Variants in MYO1B observed in about 807,000 individuals in gnomAD.
The protein encoded by MYO1B is unconventional myosin-Ib.
A neutral mutation model predicts 159.7 loss-of-function variants in MYO1B; 72 were observed. The observed-to-expected ratio is 0.45, with a 90% CI of 0.37 to 0.55. The LOEUF (loss-of-function observed/expected upper bound fraction) is 0.55. MYO1B is among the 20% of genes least tolerant of loss of function. MYO1B has a pLI of 0.00. For missense variants in MYO1B, 1,062 were observed against 1,364.8 expected, an observed-to-expected ratio of 0.78 and a Z score of 3.50; for synonymous variants, 468 against 473.8, an observed-to-expected ratio of 0.99 and a Z score of 0.16.
chr2:191,300,639 CT>C (rs1233709923), intron 3 of MYO1B, among the ~76,000 whole-genome samples: 6 of 66,932 alleles, frequency 9.0e-5, no homozygotes, highest in South Asian at 7.4e-4. Flanking sequence ...TGTGCGCAGC[CT>C]TTTTTTTTTT....
At chr2:191,299,312 T>C (rs750153202) in intron 3 of MYO1B, among the ~76,000 whole-genome samples, 11 of 152,348 alleles carry the variant, frequency 7.2e-5, no homozygotes, top group Non-Finnish European at 1.6e-4. Flanking sequence ...CTTTTTACCA[T>C]GGCCTACAAA....
chr2:191,312,486 A>T (rs1299354607), intron 3 of MYO1B, among the ~76,000 whole-genome samples: 1 of 152,200 alleles, frequency 6.6e-6, no homozygotes, highest in Non-Finnish European at 1.5e-5. Flanking sequence ...CCTTTTATTT[A>T]TATATGATTT....
intron 3 of MYO1B, among the ~76,000 whole-genome samples, chr2:191,317,852 A>G (rs957686722): frequency 7.2e-5 from 11 of 152,242 alleles, no homozygotes; most frequent in African/African-American, 2.4e-4. Flanking sequence ...ATGAATGTGC[A>G]CTTATATATG....
Position 191,253,061 on chromosome 2 carries a change from G to GAA in MYO1B, c.-10+7443_-10+7444dup, listed in dbSNP as rs71030331. On this transcript the variant is annotated intron_variant, in intron 1 of 30. Coordinates refer to ENST00000392318, the MANE Select transcript of MYO1B (RefSeq NM_001130158.3). ...TGTTCCATAAAAAATTAGTAAGTTG[G>GAA]AAAAAAAAACAAAAAACAAAAAAAT... Among the ~76,000 whole-genome samples the GAA allele has an allele frequency of 2.1e-4, 32 of 149,030 alleles. No individual in the cohort carries two copies. The East Asian group carries it at 5.3e-3, about 25-fold the overall frequency.
intron 3 of MYO1B, among the ~76,000 whole-genome samples, chr2:191,306,114 G>GT (rs1345781319): frequency 6.6e-6 from 1 of 152,172 alleles, no homozygotes; most frequent in Non-Finnish European, 1.5e-5. Context: ...GACAAGTGCT[G>GT]TGGAGAAACA....
chr2:191,267,159 C>T (rs1687194517), intron 1 of MYO1B, among the ~76,000 whole-genome samples: 1 of 151,978 alleles, frequency 6.6e-6, no homozygotes, highest in Non-Finnish European at 1.5e-5. Context: ...AATTAATAGC[C>T]CCTCCCACTC....
intron 3 of MYO1B, among the ~76,000 whole-genome samples, chr2:191,314,548 T>C (rs1437210220): frequency 1.3e-5 from 2 of 152,254 alleles, no homozygotes; most frequent in Non-Finnish European, 2.9e-5. Flanking sequence ...ATTCATCCAT[T>C]GGGAATTTCA....
chr2:191,294,054 C>T (rs559063673), intron 2 of MYO1B, among the ~76,000 whole-genome samples: 39 of 152,246 alleles, frequency 2.6e-4, no homozygotes, highest in Non-Finnish European at 4.7e-4. Flanking sequence ...ATTTATTGTA[C>T]ATCATGGTGG....
chr2:191,276,969 C>T lies in MYO1B; in HGVS notation c.74C>T (p.Pro25Leu), dbSNP rs780618509. ...IGVGDMVLLE[P>L]LNEETFINNL... ...GTTGGGGATATGGTTCTTTTAGAAC[C>T]TCTCAATGAGGAGACCTTCATCAAC... Residue 25 changes from proline to leucine, a missense_variant, in exon 2 of 31, where the codon CCT (proline) becomes CTT (leucine). Around this residue, in one of 5 missense-constraint regions of MYO1B, gnomAD observed 415 missense variants for 544.0 expected, o/e 0.76. Coordinates refer to ENST00000392318, the MANE Select transcript of MYO1B (RefSeq NM_001130158.3). 8 of 1,613,984 alleles carry T rather than the reference C, an allele frequency of 5.0e-6. No individual in the cohort carries two copies. Among genetic ancestry groups the T allele is most frequent in the African/African-American group, 1.3e-5 (1 of 75,004 alleles).
In MYO1B at chr2:191,269,932, G is replaced by A. The variant is rs562871044; in HGVS notation, c.-9-6955G>A. Among the ~76,000 whole-genome samples, 7 of 152,290 alleles carry A rather than the reference G, an allele frequency of 4.6e-5. No individual in the cohort carries two copies. The East Asian group carries it at 7.7e-4, about 17-fold the overall frequency. On this transcript the variant is annotated intron_variant, in intron 1 of 30. Coordinates refer to ENST00000392318, the MANE Select transcript of MYO1B (RefSeq NM_001130158.3). ...CTTGTTTTGTTTTTTATATTTTGGT[G>A]TGGGATGATTGATACAAATTTTGGA...
intron 24 of MYO1B, among the ~76,000 whole-genome samples, chr2:191,404,274 C>T (rs1696778474): frequency 6.6e-6 from 1 of 152,110 alleles, no homozygotes; most frequent in Non-Finnish European, 1.5e-5. Flanking sequence ...ATGTTGTCAC[C>T]AGGCTTTTAG....
chr2:191,335,269 A>G (rs548767661), intron 4 of MYO1B, among the ~76,000 whole-genome samples: 1 of 152,240 alleles, frequency 6.6e-6, no homozygotes, highest in African/African-American at 2.4e-5. Flanking sequence ...CTCTCAGTCC[A>G]CTGTAGACAT....
chr2:191,386,797 T>C (rs1695424502), intron 16 of MYO1B, among the ~76,000 whole-genome samples: 1 of 152,202 alleles, frequency 6.6e-6, no homozygotes, highest in Non-Finnish European at 1.5e-5. Context: ...AAAAGATAAT[T>C]TCTGATCAGC....
At chr2:191,281,119 C>G (rs903147960) in intron 2 of MYO1B, among the ~76,000 whole-genome samples, 3 of 152,126 alleles carry the variant, frequency 2.0e-5, no homozygotes, top group African/African-American at 7.2e-5. Flanking sequence ...CCCTTGTAAC[C>G]CTTTGAGTAA....
chr2:191,380,453 A>G (rs911871524), intron 13 of MYO1B, among the ~76,000 whole-genome samples: 7 of 152,180 alleles, frequency 4.6e-5, no homozygotes, highest in East Asian at 1.9e-4. Flanking sequence ...GAGTCATACT[A>G]TCCCTCGCTC....
rs368873492 is a variant in MYO1B at position 191,374,985 on chromosome 2, T to C, written c.1185+4693T>C. ...TTTCAGCTCGTTTTCTACATACTTA[T>C]CTGACAGGCATTAAAACTGGCAGAT... is the stretch of plus-strand genomic sequence containing the variant. On this transcript the variant is annotated intron_variant, in intron 13 of 30. Coordinates refer to ENST00000392318, the MANE Select transcript of MYO1B (RefSeq NM_001130158.3). Among the ~76,000 whole-genome samples, 5 of 152,372 alleles carry C rather than the reference T, an allele frequency of 3.3e-5. No individual in the cohort carries two copies. The South Asian group carries it at 8.3e-4, about 25-fold the overall frequency.
chr2:191,288,671 C>T (rs919112922), intron 2 of MYO1B, among the ~76,000 whole-genome samples: 4 of 152,140 alleles, frequency 2.6e-5, no homozygotes, highest in Non-Finnish European at 5.9e-5. Flanking sequence ...AAAGTTAGCC[C>T]TTAATAAATT....
intron 3 of MYO1B, among the ~76,000 whole-genome samples, chr2:191,326,346 G>T (rs111962795): frequency 8.5e-6 from 1 of 117,864 alleles, no homozygotes; most frequent in Non-Finnish European, 1.8e-5. Flanking sequence ...AACAAGATTG[G>T]GAGGGGGTTT....
At chr2:191,409,216 T>C (rs765164103) in intron 26 of MYO1B, 38 bp downstream of exon 26, 1 of 1,584,904 alleles carries the variant, frequency 6.3e-7, no homozygotes, top group African/African-American at 1.4e-5. Flanking sequence ...GGAGACTTTC[T>C]TATTTATTTT....
Sources: gnomAD v4.1 joint callset for allele counts (sites outside exome capture counted in the v4.1 genomes callset) on GRCh38, gnomAD v4.1.1 for gene constraint, gnomAD v4.1.1 regional missense constraint, MANE v1.5 for transcripts, NCBI Gene and HGNC (gene_info 2026-07-23, HGNC 2026-07-21) for gene names.